Variants in ATP10D observed in about 807,000 individuals in gnomAD.
ATP10D encodes the protein ATPase phospholipid transporting 10D (putative).
ATP10D carries 89 observed loss-of-function variants against 144.8 expected under a neutral mutation model. The observed-to-expected ratio is 0.61, with a 90% CI of 0.52 to 0.73. ATP10D has a LOEUF of 0.73. Among genes scored for constraint, ATP10D ranks in the 30% least tolerant of loss-of-function variants. ATP10D has a pLI of 0.00. For synonymous variants in ATP10D, 571 were observed against 615.1 expected, an observed-to-expected ratio of 0.93 and a Z score of 1.06; for missense variants, 1,603 against 1,714.8, an observed-to-expected ratio of 0.93 and a Z score of 1.15.
At chr4:47,512,993 C>T in intron 2 of ATP10D, 163 bp downstream of exon 2, 1 of 663,168 alleles carries the variant, frequency 1.5e-6, no homozygotes, top group Non-Finnish European at 2.5e-6. Context: ...TCCTCCCATT[C>T]ACGTAGCACT....
At chr4:47,486,888 G>T (rs190823175) in intron 1 of ATP10D, among the ~76,000 whole-genome samples, 18 of 152,250 alleles carry the variant, frequency 1.2e-4, no homozygotes, top group African/African-American at 4.3e-4. Flanking sequence ...GGGAGTGTTT[G>T]ACCCTGGCTT....
rs1719798211 is a variant in ATP10D, at chr4:47,568,980, C to T, written c.2997C>T (p.Ile999=). The change falls in exon 16 of 23, where the codon ATC becomes ATT. Residue 999 remains isoleucine (I), a synonymous_variant. Transcript: ENST00000273859. ...CAGGGTTACGAGCTGGACTCATTAT[C>T]ACTGGGAAGACCCTGGAGTTTGCCC... ...RDSGLRAGLI[I]TGKTLEFALQ... 1 of 1,614,242 alleles carries T rather than the reference C, an allele frequency of 6.2e-7. No individual in the cohort carries two copies. Among genetic ancestry groups the T allele is most frequent in the Non-Finnish European group, 8.5e-7 (1 of 1,180,046 alleles).
chr4:47,551,787 C>A (rs962157688), intron 10 of ATP10D, among the ~76,000 whole-genome samples: 4 of 152,132 alleles, frequency 2.6e-5, no homozygotes, highest in African/African-American at 9.7e-5. Context: ...GACAAGAGAG[C>A]AAAAGCTAAT....
intron 2 of ATP10D, among the ~76,000 whole-genome samples, chr4:47,514,606 A>C (rs1435401384): frequency 6.6e-6 from 1 of 152,218 alleles, no homozygotes; most frequent in Admixed American, 6.5e-5. Context: ...GCCCAAAATT[A>C]GGGACCCATG....
chr4:47,521,103 T>G (rs1280595043), intron 3 of ATP10D, among the ~76,000 whole-genome samples: 1 of 152,178 alleles, frequency 6.6e-6, no homozygotes, highest in Non-Finnish European at 1.5e-5. Flanking sequence ...CGGGTCTTCT[T>G]TCACCTTACT....
chr4:47,499,439 T>G (rs1183395529), intron 1 of ATP10D, among the ~76,000 whole-genome samples: 4 of 152,226 alleles, frequency 2.6e-5, no homozygotes, highest in Non-Finnish European at 5.9e-5. Context: ...TTTATTTACA[T>G]TTCTTAATTA....
chr4:47,552,549 A>G (rs1718779517), intron 10 of ATP10D, among the ~76,000 whole-genome samples: 2 of 152,092 alleles, frequency 1.3e-5, no homozygotes. Context: ...TGCCCTCTTA[A>G]CCTAATTATC....
intron 14 of ATP10D, 72 bp downstream of exon 14, chr4:47,561,147 A>C: frequency 6.4e-7 from 1 of 1,559,100 alleles, no homozygotes; most frequent in Non-Finnish European, 8.8e-7. Context: ...AATAAGGGTT[A>C]TTTTCTTCCA....
At chr4:47,523,368 G>A in intron 4 of ATP10D, 152 bp downstream of exon 4, 1 of 661,424 alleles carries the variant, frequency 1.5e-6, no homozygotes, top group East Asian at 2.7e-5. Context: ...CCAGATATGA[G>A]TGGAAGTATA....
chr4:47,554,902 A>G lies in ATP10D; in HGVS notation c.1812A>G (p.Gln604=), dbSNP rs1429249186. Residue 604 remains glutamine, a synonymous_variant, in exon 11 of 23, where the codon CAA becomes CAG. Transcript: ENST00000273859. ...CAGTAGTGGTTTCTGCTCCTAACCA[A>G]CCCCGACAAAAGGTGAGTAAGTTCT... ...CNTVVVSAPN[Q]PRQKIRHPSL... is the part of the protein sequence containing the mutation. 6.2e-7 allele frequency: 1 copy of G among 1,613,416 alleles called. No homozygotes were observed.
At chr4:47,577,781 T>C (rs1204730395) in intron 19 of ATP10D, among the ~76,000 whole-genome samples, 1 of 152,126 alleles carries the variant, frequency 6.6e-6, no homozygotes. Context: ...TATAATCCTC[T>C]AATATCATCC....
chr4:47,500,033 T>C (rs1457704334), intron 1 of ATP10D, among the ~76,000 whole-genome samples: 3 of 152,188 alleles, frequency 2.0e-5, no homozygotes, highest in Non-Finnish European at 4.4e-5. Flanking sequence ...TTAGAGGCAG[T>C]GTGTATAAGA....
intron 9 of ATP10D, among the ~76,000 whole-genome samples, chr4:47,543,553 C>A (rs966613436): frequency 6.6e-6 from 1 of 152,176 alleles, no homozygotes; most frequent in African/African-American, 2.4e-5. Context: ...CATTGCCAAA[C>A]CCCCAGGGGA....
Position 47,568,862 on chromosome 4 carries a change from C to A in ATP10D, c.2879C>A (p.Thr960Lys), listed in dbSNP as rs1410227429. ...GATGCCTGTGGGATGCTGATGAGCA[C>A]AATTTTGAAAGAACTTCAGAAGAAA... Reference protein sequence around the residue: ...SKDACGMLMSTILKELQKKTQ... With the variant: ...SKDACGMLMSKILKELQKKTQ... Residue 960 changes from threonine (T) to lysine (K), a missense_variant, in exon 16 of 23, where the codon ACA (threonine) becomes AAA (lysine). By Grantham distance (78) the Thr-to-Lys change is moderately conservative. Transcript: ENST00000273859. The A allele has an allele frequency of 6.2e-7, 1 of 1,614,052 alleles. No homozygotes were observed. Among genetic ancestry groups the A allele is most frequent in the East Asian group, 2.2e-5 (1 of 44,880 alleles).
Position 47,557,946 on chromosome 4 carries a change from G to C in ATP10D, c.2107G>C (p.Gly703Arg). The C allele has an allele frequency of 1.2e-6, 2 of 1,614,186 alleles. 1 individual carries two copies. Among genetic ancestry groups the C allele is most frequent in the South Asian group, 2.2e-5 (2 of 91,088 alleles). ...TETEKQHGDA[G>R]LLNGKAESLP... is the part of the protein sequence containing the mutation. ...AACAGAGAAACAACACGGTGATGCAGGCCTCCTGAATGGCAAGGCAGAGTC... is the reference window on the plus strand; with the variant it reads ...AACAGAGAAACAACACGGTGATGCACGCCTCCTGAATGGCAAGGCAGAGTC... Residue 703 changes from glycine (G) to arginine (R), a missense_variant, in exon 12 of 23, where the codon GGC becomes CGC. Gly to Arg is a moderately radical substitution (Grantham distance 125, BLOSUM62 -2). Transcript: ENST00000273859.
At chr4:47,534,420 A>G (rs1717722848) in intron 5 of ATP10D, among the ~76,000 whole-genome samples, 1 of 152,176 alleles carries the variant, frequency 6.6e-6, no homozygotes, top group Admixed American at 6.6e-5. Flanking sequence ...TATTGCATAC[A>G]ATTTCAAAGG....
intron 3 of ATP10D, among the ~76,000 whole-genome samples, chr4:47,520,703 G>A (rs893330981): frequency 2.0e-5 from 3 of 151,968 alleles, no homozygotes; most frequent in African/African-American, 4.8e-5. Context: ...CGAGTAGCTG[G>A]TATTACAGGC....
Position 47,563,602 on chromosome 4 carries a change from G to T in ATP10D, c.2690G>T (p.Arg897Leu), listed in dbSNP as rs746857968. 1.2e-6 allele frequency: 2 copies of T among 1,608,086 alleles called. No homozygotes were observed. The highest frequency in any genetic ancestry group is 3.4e-5 in the Admixed American group (2 of 58,326). The change falls in exon 15 of 23, where the codon CGT becomes CTT. Residue 897 changes from arginine to leucine, a missense_variant. By Grantham distance (102) the Arg-to-Leu change is moderately radical (BLOSUM62 -2). Coordinates refer to ENST00000273859, the MANE Select transcript of ATP10D (RefSeq NM_020453.4). Reference protein sequence around the residue: ...TLLGATGIEDRLQEGVPESIE... With the variant: ...TLLGATGIEDLLQEGVPESIE... Reference sequence around the variant, plus strand: ...TTAGGTGCTACTGGCATTGAAGACCGTCTGCAGGAGGGAGTCCCTGAATCT... The same window carrying T: ...TTAGGTGCTACTGGCATTGAAGACCTTCTGCAGGAGGGAGTCCCTGAATCT...
At chr4:47,565,272 T>G (rs1577690630) in intron 15 of ATP10D, among the ~76,000 whole-genome samples, 2 of 152,254 alleles carry the variant, frequency 1.3e-5, no homozygotes, top group East Asian at 3.9e-4. Context: ...GTTAGCATGT[T>G]TTTATGGTCA....
Sources: gnomAD v4.1 joint callset for allele counts (sites outside exome capture counted in the v4.1 genomes callset) on GRCh38, gnomAD v4.1.1 for gene constraint, MANE v1.5 for transcripts, NCBI Gene and HGNC (gene_info 2026-07-23, HGNC 2026-07-21) for gene names.